The following KCND2 variants were observed in gnomAD, a reference collection of about 807,000 sequenced individuals.
KCND2 encodes A-type voltage-gated potassium channel KCND2.
In KCND2, 16 loss-of-function variants were observed where a neutral mutation model predicts 54.4. The ratio of observed to expected loss-of-function variants is 0.29; its 90% confidence interval spans 0.20 to 0.45. KCND2 has a LOEUF of 0.45. Among genes scored for constraint, KCND2 ranks in the 20% least tolerant of loss-of-function variants. KCND2 has a pLI of 1.00. For missense variants in KCND2, 486 were observed against 824.2 expected (o/e 0.59, Z 5.02); for synonymous variants, 317 against 310.7 (o/e 1.02, Z -0.21).
At chr7:120,291,360 T>C (rs1201922576) in intron 1 of KCND2, among the ~76,000 whole-genome samples, 1 of 151,970 alleles carries the variant, frequency 6.6e-6, no homozygotes, top group Non-Finnish European at 1.5e-5. Flanking sequence ...ACTTTATGTC[T>C]GTAGTACTGT....
intron 2 of KCND2, 149 bp downstream of exon 2, chr7:120,733,214 C>G (rs1019857845): frequency 1.4e-6 from 1 of 733,784 alleles, no homozygotes. Flanking sequence ...TAAAAAGAAA[C>G]GTAACATCTC....
intron 1 of KCND2, among the ~76,000 whole-genome samples, chr7:120,459,099 G>A (rs1188552626): frequency 6.6e-6 from 1 of 151,962 alleles, no homozygotes; most frequent in East Asian, 1.9e-4. Flanking sequence ...CCAATGGCCT[G>A]CAAACTCTCC....
At chr7:120,491,879 G>A (rs1802784795) in intron 1 of KCND2, among the ~76,000 whole-genome samples, 1 of 151,844 alleles carries the variant, frequency 6.6e-6, no homozygotes, top group African/African-American at 2.4e-5. Flanking sequence ...GTTTTAATAA[G>A]ATATCTAGAA....
rs142334529 is a variant in KCND2, at chr7:120,671,363, C to T, written c.1116-61540C>T. ...TAATCTGATTTGACAGGAGGTGGAG[C>T]TCAGGCAGTAATGCTCATACGCCCG... On this transcript the variant is annotated intron_variant, in intron 1 of 5. Transcript: ENST00000331113. 3.0e-3 allele frequency among the ~76,000 whole-genome samples: 454 copies of T among 152,080 alleles called. 3 individuals are homozygous for T. The highest frequency in any genetic ancestry group is 0.01 in the African/African-American group (422 of 41,498).
intron 1 of KCND2, among the ~76,000 whole-genome samples, chr7:120,620,057 A>G (rs1361407226): frequency 1.3e-5 from 2 of 152,224 alleles, no homozygotes; most frequent in African/African-American, 4.8e-5. Context: ...ATTACATGAA[A>G]TAATTGTTTA....
intron 1 of KCND2, among the ~76,000 whole-genome samples, chr7:120,683,673 A>G (rs7795646): frequency 0.34 from 51,439 of 151,954 alleles, 9,907 homozygotes; most frequent in African/African-American, 0.5. Context: ...CTGAAAATTT[A>G]AGGATAGCAG....
chr7:120,369,220 A>G (rs1248808250), intron 1 of KCND2, among the ~76,000 whole-genome samples: 2 of 151,960 alleles, frequency 1.3e-5, no homozygotes, highest in Admixed American at 1.3e-4. Flanking sequence ...AAAATGTGCA[A>G]CAATCAGCTT....
chr7:120,595,541 GTATATGTGTGTGTGTATA>G (rs1792731902), intron 1 of KCND2, among the ~76,000 whole-genome samples: 3 of 135,822 alleles, frequency 2.2e-5, no homozygotes, highest in African/African-American at 5.4e-5. Flanking sequence ...GTATATATAT[GTATATGTGTGTGTGTATA>G]TATATGTGTG....
At chr7:120,463,948 C>A (rs1861062) in intron 1 of KCND2, 1 of 392,406 alleles carries the variant, frequency 2.5e-6, no homozygotes, top group Non-Finnish European at 3.4e-6. Context: ...GATAGATCGA[C>A]AGATGGATAG....
chr7:120,355,257 A>G (rs1315525138), intron 1 of KCND2, among the ~76,000 whole-genome samples: 2 of 152,184 alleles, frequency 1.3e-5, no homozygotes, highest in Non-Finnish European at 2.9e-5. Context: ...GTATTCAATA[A>G]TTAAATGAGG....
intron 1 of KCND2, among the ~76,000 whole-genome samples, chr7:120,686,306 C>G (rs1792200972): frequency 6.6e-6 from 1 of 152,102 alleles, no homozygotes; most frequent in African/African-American, 2.4e-5. Flanking sequence ...TAGTGGAGTT[C>G]TAGTTTCAAA....
intron 1 of KCND2, among the ~76,000 whole-genome samples, chr7:120,518,880 C>T (rs559944254): frequency 6.6e-6 from 1 of 152,198 alleles, no homozygotes; most frequent in South Asian, 2.1e-4. Context: ...ATGATTTATA[C>T]AGGTAGACCC....
chr7:120,526,959 A>C (rs1334962371), intron 1 of KCND2, among the ~76,000 whole-genome samples: 2 of 152,180 alleles, frequency 1.3e-5, no homozygotes, highest in African/African-American at 4.8e-5. Flanking sequence ...ATTTGACTTT[A>C]ATTCAATAAT....
chr7:120,288,941 G>C (rs920953252), intron 1 of KCND2, among the ~76,000 whole-genome samples: 1 of 151,976 alleles, frequency 6.6e-6, no homozygotes, highest in African/African-American at 2.4e-5. Flanking sequence ...CAGATAAATA[G>C]AGAAGAGTCT....
chr7:120,435,591 C>T (rs1801854239), intron 1 of KCND2, among the ~76,000 whole-genome samples: 1 of 151,718 alleles, frequency 6.6e-6, no homozygotes, highest in African/African-American at 2.4e-5. Context: ...AACGAATAAC[C>T]CTATTACAAA....
In KCND2 at chr7:120,420,092, C is replaced by CT. The variant is rs530531712; in HGVS notation, c.1115+144353dup. Reference sequence around the variant, plus strand: ...AATTTCCTAGTTTCTAAACCTGTTTCTTTTTTTTAAATGCTGGCAAAAGTG... The same window carrying CT: ...AATTTCCTAGTTTCTAAACCTGTTTCTTTTTTTTTAAATGCTGGCAAAAGTG... On this transcript the variant is annotated intron_variant, in intron 1 of 5. Transcript: ENST00000331113. Among the ~76,000 whole-genome samples, 397 of 150,314 alleles carry CT rather than the reference C, an allele frequency of 2.6e-3. 3 individuals are homozygous for CT. The highest frequency in any genetic ancestry group is 9.5e-3 in the African/African-American group (390 of 41,072).
chr7:120,375,406 G>A (rs1800822678), intron 1 of KCND2, among the ~76,000 whole-genome samples: 1 of 151,654 alleles, frequency 6.6e-6, no homozygotes, highest in Admixed American at 6.6e-5. Flanking sequence ...ATACCAGGTG[G>A]CATAATGCTT....
At chr7:120,297,583 G>T (rs1181348283) in intron 1 of KCND2, among the ~76,000 whole-genome samples, 1 of 152,062 alleles carries the variant, frequency 6.6e-6, no homozygotes, top group African/African-American at 2.4e-5. Flanking sequence ...GAGTGGGATT[G>T]CTAGATGGAA....
intron 1 of KCND2, among the ~76,000 whole-genome samples, chr7:120,519,794 C>T (rs1330634422): frequency 6.6e-6 from 1 of 152,074 alleles, no homozygotes; most frequent in African/African-American, 2.4e-5. Flanking sequence ...AAAATGAAAT[C>T]TATTTTTATG....
Sources: allele counts gnomAD v4.1 joint callset (sites outside exome capture counted in the v4.1 genomes callset), GRCh38; gene constraint gnomAD v4.1.1; transcripts MANE v1.5; gene names NCBI Gene and HGNC (gene_info 2026-07-23, HGNC 2026-07-21).